HGD: variants seen among roughly 807,000 people sequenced by gnomAD.
HGD encodes the protein homogentisate 1,2-dioxygenase.
HGD carries 61 observed loss-of-function variants against 60.8 expected under a neutral mutation model. The observed-to-expected ratio is 1.00, with a 90% CI of 0.82 to 1.24. The LOEUF (loss-of-function observed/expected upper bound fraction) is 1.24, where lower values mean the gene tolerates loss of function less well. Among genes scored for constraint, HGD ranks in the 50% most tolerant of loss-of-function variants. The pLI is 0.00. For missense variants in HGD, 542 were observed against 547.1 expected, an observed-to-expected ratio of 0.99 and a Z score of 0.09; for synonymous variants, 212 against 187.7, an observed-to-expected ratio of 1.13 and a Z score of -1.06.
intron 1 of HGD, among the ~76,000 whole-genome samples, chr3:120,678,655 G>A (rs2107562278): frequency 6.6e-6 from 1 of 152,332 alleles, no homozygotes; most frequent in Non-Finnish European, 1.5e-5. Context: ...AGAGGTGTGA[G>A]TTCTGAATCC....
intron 3 of HGD, 135 bp from the exon 4 acceptor site, chr3:120,670,667 A>G: frequency 1.4e-6 from 1 of 712,702 alleles, no homozygotes. Context: ...TGAAGCAGTG[A>G]AGCAATGATA....
chr3:120,678,898 A>G (rs1708182257), intron 1 of HGD, among the ~76,000 whole-genome samples: 1 of 152,238 alleles, frequency 6.6e-6, no homozygotes, highest in Non-Finnish European at 1.5e-5. Context: ...TGCTTTTATC[A>G]GCTGCGAAAA....
At chr3:120,660,849 A>G (rs566769005) in intron 4 of HGD, among the ~76,000 whole-genome samples, 4 of 152,332 alleles carry the variant, frequency 2.6e-5, no homozygotes, top group African/African-American at 9.6e-5. Flanking sequence ...ATGAGGCTAC[A>G]AATGAAGATG....
chr3:120,639,572 G>A lies in HGD; in HGVS notation c.880-991C>T, dbSNP rs542373404. Among the ~76,000 whole-genome samples the A allele has an allele frequency of 1.7e-4, 26 of 152,300 alleles. No homozygotes were observed. The East Asian group carries it at 4.3e-3, about 25-fold the overall frequency. On this transcript the variant is annotated intron_variant, in intron 11 of 13. Transcript: ENST00000283871. The stretch of plus-strand genomic sequence containing the variant: ...TACCCCGTGGGTCTGAGAACCAACG[G>A]TGCCTGCTTCTCAACCTCAGATCAA...
chr3:120,644,165 T>C (rs1941083088), intron 10 of HGD, among the ~76,000 whole-genome samples, 154 bp downstream of exon 10: 1 of 152,214 alleles, frequency 6.6e-6, no homozygotes, highest in African/African-American at 2.4e-5. Context: ...GAAAGTATAA[T>C]TGACTACTAG....
Position 120,646,988 on chromosome 3 carries a change from C to A in HGD, c.534G>T (p.Glu178Asp). Reference sequence around the variant, plus strand: ...CATCACCAACCTGAATGACGCAGATCTCATTGGGCTGTACAAGCATCTTGC... The same window carrying A: ...CATCACCAACCTGAATGACGCAGATATCATTGGGCTGTACAAGCATCTTGC... Reference protein sequence around the residue: ...EFGKMLVQPNEICVIQRGMRF... With the variant: ...EFGKMLVQPNDICVIQRGMRF... The change falls in exon 8 of 14, where the codon GAG (glutamate) becomes GAT (aspartate). Residue 178 changes from glutamate (E) to aspartate (D), a missense_variant. Glu to Asp is a conservative substitution (Grantham distance 45). Transcript: ENST00000283871. 6.2e-7 allele frequency: 1 copy of A among 1,613,762 alleles called. No homozygotes were observed. Among genetic ancestry groups the A allele is most frequent in the Non-Finnish European group, 8.5e-7 (1 of 1,179,684 alleles).
At chr3:120,658,698 T>C (rs528009591) in intron 4 of HGD, among the ~76,000 whole-genome samples, 2 of 152,378 alleles carry the variant, frequency 1.3e-5, no homozygotes, top group Middle Eastern at 6.8e-3. Flanking sequence ...ACTGCCCTAG[T>C]AGAGGTTCTC....
In HGD at chr3:120,675,360, T is replaced by A. The variant is rs546167312; in HGVS notation, c.88-371A>T. ...TTTTTTTAAGAAATGAGGATTTTTT[T>A]ATGCTATGATACGGCCTGCAAAAAG... On this transcript the variant is annotated intron_variant, in intron 2 of 13. Transcript: ENST00000283871. 2.6e-5 allele frequency among the ~76,000 whole-genome samples: 4 copies of A among 152,146 alleles called. No individual in the cohort carries two copies. In the South Asian group the frequency reaches 6.2e-4, roughly 24 times the overall value.
At chr3:120,668,931 G>C (rs1181692465) in intron 4 of HGD, among the ~76,000 whole-genome samples, 1 of 152,136 alleles carries the variant, frequency 6.6e-6, no homozygotes, top group Admixed American at 6.5e-5. Context: ...GTTAAAAAAA[G>C]AGCTCAGTCG....
At chr3:120,670,337 AT>A (rs1214467538) in intron 4 of HGD, 89 bp downstream of exon 4, 1 of 787,768 alleles carries the variant, frequency 1.3e-6, no homozygotes, top group African/African-American at 1.7e-5. Flanking sequence ...AAAACTATCT[AT>A]TTTTTCCAAT....
intron 13 of HGD, among the ~76,000 whole-genome samples, chr3:120,629,458 C>T (rs987266588): frequency 4.6e-5 from 7 of 152,174 alleles, no homozygotes; most frequent in African/African-American, 1.2e-4. Flanking sequence ...ATATGAGTAT[C>T]GCTGCCTGAT....
At chr3:120,658,172 G>A (rs996485688) in intron 4 of HGD, among the ~76,000 whole-genome samples, 2 of 152,116 alleles carry the variant, frequency 1.3e-5, no homozygotes, top group African/African-American at 4.8e-5. Context: ...ACTCATTCTA[G>A]TATTAACTCA....
intron 4 of HGD, among the ~76,000 whole-genome samples, chr3:120,654,627 T>C (rs1194668979): frequency 6.6e-6 from 1 of 152,056 alleles, no homozygotes; most frequent in African/African-American, 2.4e-5. Flanking sequence ...TCTAAGGATT[T>C]ACAAATCTAA....
At chr3:120,648,463 T>C (rs1941233294) in intron 6 of HGD, among the ~76,000 whole-genome samples, 1 of 152,272 alleles carries the variant, frequency 6.6e-6, no homozygotes, top group Admixed American at 6.5e-5. Flanking sequence ...CCCTGATTCA[T>C]GGCTCACAAG....
chr3:120,650,677 G>T, intron 6 of HGD, 97 bp downstream of exon 6: 1 of 835,596 alleles, frequency 1.2e-6, no homozygotes, highest in Non-Finnish European at 2.1e-6. Flanking sequence ...CTATGTATGT[G>T]CATATGTGAC....
At chr3:120,650,292 T>A in intron 6 of HGD, among the ~76,000 whole-genome samples, 1 of 152,238 alleles carries the variant, frequency 6.6e-6, no homozygotes, top group East Asian at 1.9e-4. Context: ...ACCTTATATG[T>A]GTTGACTGAT....
At chr3:120,663,711 T>C (rs1019609273) in intron 4 of HGD, among the ~76,000 whole-genome samples, 3 of 152,192 alleles carry the variant, frequency 2.0e-5, no homozygotes, top group African/African-American at 7.2e-5. Context: ...AAAAGGATTA[T>C]ATTTAGCGTG....
intron 11 of HGD, among the ~76,000 whole-genome samples, chr3:120,639,830 G>A (rs1016572193): frequency 1.3e-5 from 2 of 152,130 alleles, no homozygotes; most frequent in African/African-American, 2.4e-5. Context: ...TAGTGGTAGT[G>A]TAGAGATAGG....
At chr3:120,658,273 T>C (rs772178972) in intron 4 of HGD, among the ~76,000 whole-genome samples, 19 of 152,144 alleles carry the variant, frequency 1.2e-4, no homozygotes, top group Non-Finnish European at 2.5e-4. Context: ...CAAGATACAA[T>C]GGGGGTATAG....
Sources: allele counts gnomAD v4.1 joint callset (sites outside exome capture counted in the v4.1 genomes callset), GRCh38; gene constraint gnomAD v4.1.1; transcripts MANE v1.5; gene names NCBI Gene and HGNC (gene_info 2026-07-23, HGNC 2026-07-21).